LUZP2: variants seen among roughly 807,000 people sequenced by gnomAD.
The protein encoded by LUZP2 is leucine zipper protein 2.
Under a neutral mutation model 51.6 loss-of-function variants are expected in LUZP2, and 52 were observed. The observed-to-expected ratio is 1.01, with a 90% confidence interval of 0.81 to 1.27. The LOEUF (loss-of-function observed/expected upper bound fraction) is 1.27, where lower values mean the gene tolerates loss of function less well. Ranked by LOEUF, LUZP2 falls within the 50% of genes most tolerant of loss-of-function variation. The pLI is 0.00. For synonymous variants in LUZP2, 154 were observed against 137.3 expected (o/e 1.12, Z -0.85); for missense variants, 436 against 395.4 (o/e 1.10, Z -0.87).
At chr11:24,961,902 T>C (rs1003379767) in intron 7 of LUZP2, among the ~76,000 whole-genome samples, 11 of 152,144 alleles carry the variant, frequency 7.2e-5, no homozygotes, top group African/African-American at 1.9e-4. Flanking sequence ...TTCCTTTCCA[T>C]GTTTAGTGCT....
intron 5 of LUZP2, among the ~76,000 whole-genome samples, chr11:24,903,420 A>G (rs1390162103): frequency 6.6e-6 from 1 of 152,186 alleles, no homozygotes; most frequent in Non-Finnish European, 1.5e-5. Flanking sequence ...ATTCTTTCAG[A>G]CTGGGACAAC....
At chr11:24,776,410 T>C (rs554987069) in intron 5 of LUZP2, among the ~76,000 whole-genome samples, 1 of 152,278 alleles carries the variant, frequency 6.6e-6, no homozygotes, top group Non-Finnish European at 1.5e-5. Flanking sequence ...TCTGCTCTTA[T>C]GTTGGATGAA....
intron 5 of LUZP2, chr11:24,786,579 A>T: frequency 3.3e-6 from 1 of 302,134 alleles, no homozygotes; most frequent in Non-Finnish European, 4.8e-6. Context: ...TAATATATAA[A>T]ATATATATTT....
intron 9 of LUZP2, among the ~76,000 whole-genome samples, chr11:25,020,814 T>C (rs977449978): frequency 6.6e-6 from 1 of 152,066 alleles, no homozygotes; most frequent in African/African-American, 2.4e-5. Context: ...TTCAATTGAT[T>C]GTATTCTGCT....
chr11:24,765,207 G>T (rs1257857489), intron 5 of LUZP2, among the ~76,000 whole-genome samples: 1 of 152,094 alleles, frequency 6.6e-6, no homozygotes, highest in Non-Finnish European at 1.5e-5. Flanking sequence ...TTTATTTAAT[G>T]AAATAACTGG....
chr11:24,744,529 T>G (rs1171785371), intron 4 of LUZP2, among the ~76,000 whole-genome samples: 3 of 152,194 alleles, frequency 2.0e-5, no homozygotes, highest in African/African-American at 7.2e-5. Flanking sequence ...AGTGATCTTT[T>G]GTATTTCAGT....
At chr11:24,808,118 T>G (rs1307542163) in intron 5 of LUZP2, among the ~76,000 whole-genome samples, 1 of 152,212 alleles carries the variant, frequency 6.6e-6, no homozygotes, top group Non-Finnish European at 1.5e-5. Context: ...TTAGAGTTTA[T>G]ACAGCACTTT....
intron 5 of LUZP2, among the ~76,000 whole-genome samples, chr11:24,793,475 T>C (rs1213969288): frequency 4.6e-5 from 7 of 152,174 alleles, no homozygotes; most frequent in African/African-American, 1.7e-4. Flanking sequence ...AAGACTTTTA[T>C]GGATCCTCTT....
In LUZP2 at chr11:24,881,093, G is replaced by C. The variant is rs1386227; in HGVS notation, c.397-24898G>C. Among the ~76,000 whole-genome samples, 17 of 151,928 alleles carry C rather than the reference G, an allele frequency of 1.1e-4. No individual in the cohort carries two copies. The East Asian group carries it at 3.3e-3, about 30-fold the overall frequency. ...ATTTGGCTTTGTTTTTTGGTTGCCA[G>C]GTAAGCTTAAGAGATTCACTTAATC... On this transcript the variant is annotated intron_variant, in intron 5 of 11. Transcript: ENST00000336930.
Position 24,515,948 on chromosome 11 carries a change from C to A in LUZP2, c.62+18643C>A, listed in dbSNP as rs1386163827. 5.3e-5 allele frequency among the ~76,000 whole-genome samples: 8 copies of A among 152,176 alleles called. No individual in the cohort carries two copies. The East Asian group carries it at 1.6e-3, about 29-fold the overall frequency. ...CTTTCTTATGAAAGTTCTCATTTAT[C>A]CCTGATAAATCAGCTTTCCAAAGGA... On this transcript the variant is annotated intron_variant, in intron 1 of 11. Coordinates refer to ENST00000336930, the MANE Select transcript of LUZP2 (RefSeq NM_001009909.4).
At chr11:24,761,635 T>C (rs1859983329) in intron 4 of LUZP2, among the ~76,000 whole-genome samples, 1 of 152,136 alleles carries the variant, frequency 6.6e-6, no homozygotes, top group Admixed American at 6.6e-5. Context: ...AAAATCTATC[T>C]CATTTAAACC....
In LUZP2 at chr11:25,050,070, C is replaced by A; in HGVS notation, c.798C>A (p.Ser266Arg). The stretch of plus-strand genomic sequence containing the variant: ...AAAGTGCTTCTGGAAACAATGAGAG[C>A]TCTCAAGTTGAGTCAACAAAGGAAG... Reference protein sequence around the residue: ...PQQSASGNNESSQVESTKEGN... With the variant: ...PQQSASGNNERSQVESTKEGN... The change falls in exon 10 of 12, where the codon AGC (serine) becomes AGA (arginine). Residue 266 changes from serine (S) to arginine (R), a missense_variant. By Grantham distance (110) the Ser-to-Arg change is moderately radical. Coordinates refer to ENST00000336930, the MANE Select transcript of LUZP2 (RefSeq NM_001009909.4). The A allele has an allele frequency of 1.9e-6, 3 of 1,598,574 alleles. No homozygotes were observed. The highest frequency in any genetic ancestry group is 2.6e-6 in the Non-Finnish European group (3 of 1,172,240).
chr11:24,671,343 CT>C (rs1856396958), intron 1 of LUZP2, among the ~76,000 whole-genome samples: 1 of 151,992 alleles, frequency 6.6e-6, no homozygotes, highest in African/African-American at 2.4e-5. Flanking sequence ...CCTCCCACAA[CT>C]TTTTAATTGT....
chr11:24,523,849 TA>T, intron 1 of LUZP2, among the ~76,000 whole-genome samples: 1 of 151,842 alleles, frequency 6.6e-6, no homozygotes, highest in South Asian at 2.1e-4. Flanking sequence ...AATGAAACCT[TA>T]GATAAAAATG....
chr11:24,513,094 G>T (rs1850363403), intron 1 of LUZP2, among the ~76,000 whole-genome samples: 1 of 152,008 alleles, frequency 6.6e-6, no homozygotes, highest in Admixed American at 6.6e-5. Flanking sequence ...TTTCCTTTCA[G>T]TCTCTGTTTT....
intron 9 of LUZP2, among the ~76,000 whole-genome samples, chr11:25,008,508 T>G (rs1856896634): frequency 1.3e-5 from 2 of 152,138 alleles, no homozygotes. Flanking sequence ...TCACGGCTCA[T>G]TTGGTTCCTC....
intron 5 of LUZP2, among the ~76,000 whole-genome samples, chr11:24,817,217 A>C (rs1850214624): frequency 8.8e-6 from 1 of 113,696 alleles, no homozygotes; most frequent in Non-Finnish European, 1.8e-5. Context: ...TGCTATCATT[A>C]ATAACAACAA....
intron 1 of LUZP2, among the ~76,000 whole-genome samples, chr11:24,631,984 C>T (rs1388539206): frequency 6.6e-6 from 1 of 151,972 alleles, no homozygotes; most frequent in Non-Finnish European, 1.5e-5. Context: ...CTATTTCTGG[C>T]ATTGGAAGTG....
At chr11:24,985,993 G>A (rs1856177918) in intron 9 of LUZP2, among the ~76,000 whole-genome samples, 1 of 151,660 alleles carries the variant, frequency 6.6e-6, no homozygotes, top group South Asian at 2.1e-4. Context: ...AGCTAACAGA[G>A]GGAATGTTTA....
Sources: allele counts gnomAD v4.1 joint callset (sites outside exome capture counted in the v4.1 genomes callset), GRCh38; gene constraint gnomAD v4.1.1; transcripts MANE v1.5; gene names NCBI Gene and HGNC (gene_info 2026-07-23, HGNC 2026-07-21).